Variants in EPB41 observed in about 807,000 individuals in gnomAD.
EPB41 encodes erythrocyte membrane protein band 4.1.
A neutral mutation model predicts 108.0 loss-of-function variants in EPB41; 65 were observed. That is an observed-to-expected ratio of 0.60 (90% CI 0.49 to 0.74). The LOEUF (loss-of-function observed/expected upper bound fraction) is 0.74. Ranked by LOEUF, EPB41 falls within the 30% of genes least tolerant of loss-of-function variation. The pLI, the probability that EPB41 is intolerant of heterozygous loss-of-function variation, is 0.00. For missense variants in EPB41, 875 were observed against 1,037.0 expected (o/e 0.84, Z 2.15); for synonymous variants, 336 against 358.9 (o/e 0.94, Z 0.72).
At chr1:29,073,699 T>G (rs1426568759) in intron 16 of EPB41, among the ~76,000 whole-genome samples, 1 of 152,204 alleles carries the variant, frequency 6.6e-6, no homozygotes, top group Non-Finnish European at 1.5e-5. Context: ...GGGCCTCTCT[T>G]TCAGCCAGTT....
At chr1:29,071,437 A>C (rs1167128513) in intron 16 of EPB41, 1 of 152,226 alleles carries the variant, frequency 6.6e-6, no homozygotes, top group Non-Finnish European at 1.5e-5. Flanking sequence ...CCCTTCTCTG[A>C]ATTAAGATAC....
At chr1:28,944,441 T>C (rs1201967476) in intron 1 of EPB41, among the ~76,000 whole-genome samples, 3 of 152,132 alleles carry the variant, frequency 2.0e-5, no homozygotes, top group South Asian at 4.1e-4. Flanking sequence ...GCTTCTTTCA[T>C]TTTGCATGCC....
intron 11 of EPB41, among the ~76,000 whole-genome samples, chr1:29,040,532 C>T (rs1021227197): frequency 3.9e-4 from 60 of 152,178 alleles, no homozygotes; most frequent in African/African-American, 1.4e-3. Flanking sequence ...CTACCCACCT[C>T]GGCCTCCCAA....
At chr1:28,903,834 G>A (rs1231752132) in intron 1 of EPB41, among the ~76,000 whole-genome samples, 2 of 151,834 alleles carry the variant, frequency 1.3e-5, no homozygotes, top group South Asian at 2.1e-4. Context: ...AACCAAGGTC[G>A]GCCTGCCTCA....
intron 17 of EPB41, among the ~76,000 whole-genome samples, chr1:29,103,405 T>TA (rs1377101505): frequency 1.3e-5 from 2 of 152,184 alleles, no homozygotes; most frequent in Non-Finnish European, 2.9e-5. Context: ...GCTTTGGAAT[T>TA]AGAGTGACTT....
At chr1:28,925,436 G>A (rs1269541469) in intron 1 of EPB41, among the ~76,000 whole-genome samples, 1 of 152,120 alleles carries the variant, frequency 6.6e-6, no homozygotes, top group Non-Finnish European at 1.5e-5. Context: ...AGTGGTAGGG[G>A]ATAAATAATA....
At chr1:28,939,631 C>T (rs1468750047) in intron 1 of EPB41, among the ~76,000 whole-genome samples, 5 of 151,814 alleles carry the variant, frequency 3.3e-5, no homozygotes, top group African/African-American at 1.2e-4. Flanking sequence ...TTAGTAGAGA[C>T]GGGGTTTCAC....
In EPB41 at chr1:29,065,086, G is replaced by C. The variant is rs1399123337; in HGVS notation, c.2112G>C (p.Trp704Cys). Residue 704 changes from tryptophan (W) to cysteine (C), a missense_variant, in exon 16 of 21, where the codon TGG (tryptophan) becomes TGC (cysteine). Around this residue, in one of 3 missense-constraint regions of EPB41, gnomAD observed 519 missense variants for 627.3 expected, o/e 0.83. Coordinates refer to ENST00000343067, the MANE Select transcript of EPB41 (RefSeq NM_001376013.1). ...TACCAGAACCACGGCCTAGTGAATGGGATAAACGCTTATCCACTCACTCAC... is the reference window on the plus strand; with the variant it reads ...TACCAGAACCACGGCCTAGTGAATGCGATAAACGCTTATCCACTCACTCAC... ...ESVPEPRPSE[W>C]DKRLSTHSPF... 1 of 1,614,096 alleles carries C rather than the reference G, an allele frequency of 6.2e-7. No individual in the cohort carries two copies. Among genetic ancestry groups the C allele is most frequent in the Non-Finnish European group, 8.5e-7 (1 of 1,180,012 alleles).
intron 4 of EPB41, among the ~76,000 whole-genome samples, chr1:29,010,073 A>G (rs1215195524): frequency 6.6e-6 from 1 of 152,150 alleles, no homozygotes; most frequent in Admixed American, 6.5e-5. Context: ...ACGGTGGCTG[A>G]CACCTGTAAT....
intron 5 of EPB41, among the ~76,000 whole-genome samples, chr1:29,014,837 A>C (rs554980149): frequency 1.3e-5 from 2 of 152,168 alleles, no homozygotes; most frequent in Non-Finnish European, 2.9e-5. Flanking sequence ...ATCAATATAT[A>C]TACATTTATT....
At chr1:28,911,221 T>C (rs2092241467), upstream of EPB41, 1 of 971,016 alleles carries the variant, frequency 1.0e-6, no homozygotes, top group Non-Finnish European at 1.2e-6. Flanking sequence ...TGAAGATGTG[T>C]GTCTAAAATA....
At chr1:29,039,166 T>C in intron 10 of EPB41, 88 bp from the exon 11 acceptor site, 1 of 1,430,560 alleles carries the variant, frequency 7.0e-7, no homozygotes, top group Non-Finnish European at 9.6e-7. Flanking sequence ...TGTGAAACTT[T>C]TTTATTCTTG....
chr1:28,908,434 A>AT (rs2092000477), intron 1 of EPB41, among the ~76,000 whole-genome samples: 1 of 149,122 alleles, frequency 6.7e-6, no homozygotes, highest in African/African-American at 2.5e-5. Flanking sequence ...TATTATTATT[A>AT]TTATTATTTT....
intron 4 of EPB41, among the ~76,000 whole-genome samples, chr1:29,003,144 A>G (rs1380803601): frequency 3.9e-5 from 6 of 152,228 alleles, no homozygotes; most frequent in Non-Finnish European, 8.8e-5. Flanking sequence ...CAATAAGCCA[A>G]ATTTCTAGAT....
chr1:28,944,732 A>G (rs1278676680), intron 1 of EPB41, among the ~76,000 whole-genome samples: 1 of 151,458 alleles, frequency 6.6e-6, no homozygotes. Context: ...AAGGGGTTTC[A>G]CCATGTTGGC....
rs547771194 is a variant in EPB41 at position 29,096,466 on chromosome 1, T to C, written c.2185-1341T>C. 12 of 985,892 alleles carry C rather than the reference T, an allele frequency of 1.2e-5. No individual in the cohort carries two copies. In the African/African-American group the frequency reaches 2.1e-4, roughly 17 times the overall value. 61.1% of individuals were successfully genotyped at this position (985,892 alleles called of 1,614,324 possible). A position where few individuals can be genotyped will look rare whatever the true frequency, so the allele number is the denominator to read the frequency against. ...AGTTCTCAGTAACACCAGCTTCCTGTCAGCTGCAACCTGGTGTAAAAAAGG... is the reference window on the plus strand; with the variant it reads ...AGTTCTCAGTAACACCAGCTTCCTGCCAGCTGCAACCTGGTGTAAAAAAGG... On this transcript the variant is annotated intron_variant, in intron 16 of 20. Coordinates refer to ENST00000343067, the MANE Select transcript of EPB41 (RefSeq NM_001376013.1).
intron 1 of EPB41, among the ~76,000 whole-genome samples, chr1:28,976,014 T>C (rs992238599): frequency 1.4e-5 from 2 of 145,170 alleles, no homozygotes; most frequent in East Asian, 2.1e-4. Flanking sequence ...CTGGTAGAAA[T>C]AGAGGTGGTC....
chr1:29,082,545 C>A (rs777573950), intron 16 of EPB41, among the ~76,000 whole-genome samples: 3 of 152,202 alleles, frequency 2.0e-5, no homozygotes, highest in Admixed American at 6.5e-5. Context: ...TCCATTCTAA[C>A]TTCAGAGTTT....
chr1:28,954,609 TC>T (rs2094872268), intron 1 of EPB41, among the ~76,000 whole-genome samples: 1 of 152,212 alleles, frequency 6.6e-6, no homozygotes, highest in South Asian at 2.1e-4. Context: ...GGCTCAAACT[TC>T]ACACAATATA....
Sources: allele counts gnomAD v4.1 joint callset (sites outside exome capture counted in the v4.1 genomes callset), GRCh38; gene constraint gnomAD v4.1.1; regional missense constraint gnomAD v4.1.1; transcripts MANE v1.5; gene names NCBI Gene and HGNC (gene_info 2026-07-23, HGNC 2026-07-21).